Variants in KIAA1614 observed in about 807,000 individuals in gnomAD.
KIAA1614 encodes the protein uncharacterized protein KIAA1614.
KIAA1614 carries 76 observed loss-of-function variants against 88.7 expected under a neutral mutation model. The ratio of observed to expected loss-of-function variants is 0.86; its 90% CI spans 0.71 to 1.04. The LOEUF (loss-of-function observed/expected upper bound fraction) is 1.04, where lower values mean the gene tolerates loss of function less well. Among genes scored for constraint, KIAA1614 ranks in the 50% least tolerant of loss-of-function variants. KIAA1614 has a pLI of 0.00. For synonymous variants in KIAA1614, 714 were observed against 675.5 expected, an observed-to-expected ratio of 1.06 and a Z score of -0.88; for missense variants, 1,553 against 1,582.5, an observed-to-expected ratio of 0.98 and a Z score of 0.32.
chr1:180,942,139 G>A (rs1654483336), intron 7 of KIAA1614, among the ~76,000 whole-genome samples: 1 of 141,976 alleles, frequency 7.0e-6, no homozygotes, highest in Non-Finnish European at 1.5e-5. Context: ...ATGTTTAGTT[G>A]GGTTTTTGTC....
At chr1:180,943,543 A>G (rs1162247690) in intron 7 of KIAA1614, among the ~76,000 whole-genome samples, 1 of 35,882 alleles carries the variant, frequency 2.8e-5, no homozygotes, top group African/African-American at 1.1e-4. Flanking sequence ...ATTGAATGGT[A>G]GTAGATCTTT....
chr1:180,933,496 G>A (rs1654247276), intron 4 of KIAA1614, among the ~76,000 whole-genome samples: 1 of 152,102 alleles, frequency 6.6e-6, no homozygotes. Flanking sequence ...AACAAGAGAT[G>A]GAATCCCAAC....
intron 3 of KIAA1614, 66 bp from the exon 4 acceptor site, chr1:180,928,364 C>T (rs1407686137): frequency 2.1e-6 from 3 of 1,446,490 alleles, no homozygotes; most frequent in South Asian, 1.5e-5. Flanking sequence ...TGCTAAAGCC[C>T]TCCTAATCTG....
intron 3 of KIAA1614, among the ~76,000 whole-genome samples, chr1:180,927,871 A>T (rs1654104255): frequency 6.6e-6 from 1 of 152,142 alleles, no homozygotes; most frequent in South Asian, 2.1e-4. Context: ...AGGCAAGAAA[A>T]CACCAGGATT....
chr1:180,916,101 T>C, intron 1 of KIAA1614, 53 bp from the exon 2 acceptor site: 1 of 1,421,862 alleles, frequency 7.0e-7, no homozygotes, highest in Admixed American at 2.3e-5. Context: ...CGGGAGGTTG[T>C]GGGGGTTAGT....
Position 180,935,244 on chromosome 1 carries a change from C to T in KIAA1614, c.1335C>T (p.Pro445=). ...GTGGGCACAGGCCGAGGCGGGGCCC[C>T]TCGCCGTCGCACGTGCGCTTTGAGG... ...SSGGHRPRRG[P]SPSHVRFEDE... Residue 445 remains proline (P), a synonymous_variant, in exon 5 of 9, where the codon CCC becomes CCT. Transcript: ENST00000367588. This position sits in a 1 kb window ranked among gnomAD's most constrained non-coding sequence, Gnocchi z 6.1. The T allele has an allele frequency of 6.5e-7, 1 of 1,529,538 alleles. No homozygotes were observed. Among genetic ancestry groups the T allele is most frequent in the Non-Finnish European group, 8.8e-7 (1 of 1,141,628 alleles). 94.7% of individuals were successfully genotyped at this position (1,529,538 alleles called of 1,614,324 possible).
At chr1:180,933,242 A>C (rs1365020690) in intron 4 of KIAA1614, among the ~76,000 whole-genome samples, 1 of 152,220 alleles carries the variant, frequency 6.6e-6, no homozygotes, top group Non-Finnish European at 1.5e-5. Flanking sequence ...GGAGGGTTGC[A>C]TGAGGTCAGG....
Position 180,916,348 on chromosome 1 carries a change from T to G in KIAA1614, c.245T>G (p.Val82Gly), listed in dbSNP as rs772275671. 6.2e-7 allele frequency: 1 copy of G among 1,613,958 alleles called. No individual in the cohort carries two copies. The highest frequency in any genetic ancestry group is 8.5e-7 in the Non-Finnish European group (1 of 1,180,028). ...VWGVQLQGPS[V>G]LESKVRALKE... ...GGAGTACAGCTCCAGGGCCCCTCTG[T>G]GCTGGAATCCAAGGTGAGGGCTTTG... The change falls in exon 2 of 9, where the codon GTG becomes GGG. Residue 82 changes from valine to glycine, a missense_variant. Coordinates refer to ENST00000367588, the MANE Select transcript of KIAA1614 (RefSeq NM_020950.2).
At position 180,951,186 on chromosome 1, in the gene KIAA1614, T is replaced by A. The variant is rs1383198182; in HGVS notation, c.*5598T>A. 6.6e-6 allele frequency: 1 copy of A among 151,346 alleles called. No individual in the cohort carries two copies. The highest frequency in any genetic ancestry group is 1.5e-5 in the Non-Finnish European group (1 of 67,758). 9.4% of individuals were successfully genotyped at this position (151,346 alleles called of 1,614,324 possible). On this transcript the variant is annotated 3_prime_UTR_variant, in exon 9 of 9. Coordinates refer to ENST00000367588, the MANE Select transcript of KIAA1614 (RefSeq NM_020950.2). ...ATATTAAAAATTTCTAGGAAAATTT[T>A]TTTATACATAAAGTTGAAAACAACA...
Position 180,916,855 on chromosome 1 carries a change from A to G in KIAA1614, c.752A>G (p.Glu251Gly). 1.2e-6 allele frequency: 2 copies of G among 1,614,214 alleles called. No homozygotes were observed. Among genetic ancestry groups the G allele is most frequent in the Non-Finnish European group, 1.7e-6 (2 of 1,180,032 alleles). Residue 251 changes from glutamate to glycine, a missense_variant, in exon 2 of 9, where the codon GAG (glutamate) becomes GGG (glycine). Coordinates refer to ENST00000367588, the MANE Select transcript of KIAA1614 (RefSeq NM_020950.2). ...SYPFPDGVVT[E>G]ADLDSTSLTS... ...CCTTTTCCAGATGGCGTGGTGACAG[A>G]GGCAGATCTGGATAGCACATCCCTG...
At chr1:180,924,843 A>G (rs1654032692) in intron 3 of KIAA1614, among the ~76,000 whole-genome samples, 2 of 150,708 alleles carry the variant, frequency 1.3e-5, no homozygotes, top group African/African-American at 4.9e-5. Context: ...TTTGCTTAGT[A>G]AGGGGGTGAG....
rs1654587171 is a variant in KIAA1614, at chr1:180,946,073, A to C, written c.*485A>C. ...AGCCGAGATTGCGCCATTGCACTCC[A>C]GCCTGGGCAACAAGAGCAAAACTTC... On this transcript the variant is annotated 3_prime_UTR_variant, in exon 9 of 9. Coordinates refer to ENST00000367588, the MANE Select transcript of KIAA1614 (RefSeq NM_020950.2). The C allele has an allele frequency of 6.6e-6, 1 of 152,500 alleles. No individual in the cohort carries two copies. Among genetic ancestry groups the C allele is most frequent in the Admixed American group, 6.6e-5 (1 of 15,244 alleles). 9.4% of individuals were successfully genotyped at this position (152,500 alleles called of 1,614,324 possible). A position where few individuals can be genotyped will look rare whatever the true frequency, so the allele number is the denominator to read the frequency against.
chr1:180,917,477 A>G (rs1653845753), intron 2 of KIAA1614, among the ~76,000 whole-genome samples: 2 of 152,056 alleles, frequency 1.3e-5, no homozygotes, highest in African/African-American at 4.8e-5. Context: ...GGGCAAGCAG[A>G]CAGGAATCCC....
At chr1:180,936,777 A>C in intron 5 of KIAA1614, 107 bp downstream of exon 5, 1 of 690,880 alleles carries the variant, frequency 1.4e-6, no homozygotes, top group Middle Eastern at 4.2e-4. Context: ...ATTCCCTTTT[A>C]TCTCAATAGT....
intron 3 of KIAA1614, among the ~76,000 whole-genome samples, chr1:180,926,958 G>T (rs1654083312): frequency 6.6e-6 from 1 of 152,194 alleles, no homozygotes; most frequent in Non-Finnish European, 1.5e-5. Context: ...GGGTTCACAG[G>T]CACAGATGGT....
At chr1:180,945,109 G>A in intron 8 of KIAA1614, 194 bp from the exon 9 acceptor site, 1 of 567,150 alleles carries the variant, frequency 1.8e-6, no homozygotes, top group South Asian at 2.7e-5. Context: ...AGGCCTTGGG[G>A]GGCCTTGCAC....
At chr1:180,929,453 C>G (rs1483515730) in intron 4 of KIAA1614, among the ~76,000 whole-genome samples, 1 of 152,148 alleles carries the variant, frequency 6.6e-6, no homozygotes, top group Non-Finnish European at 1.5e-5. Context: ...GAAATGCCCA[C>G]CAGGCAGTTG....
chr1:180,941,585 T>C (rs1378668711), intron 7 of KIAA1614, among the ~76,000 whole-genome samples: 3 of 152,136 alleles, frequency 2.0e-5, no homozygotes, highest in Non-Finnish European at 4.4e-5. Flanking sequence ...GACAGCCTGA[T>C]GGTTCTGGAA....
rs1653820165 is a variant in KIAA1614 at position 180,916,883 on chromosome 1, C to T, written c.780C>T (p.Thr260=). Residue 260 remains threonine (T), a synonymous_variant, in exon 2 of 9, where the codon ACC becomes ACT. Transcript: ENST00000367588. ...CAGATCTGGATAGCACATCCCTGAC[C>T]TCCGAGGAGGTCTTTGTCCCCAGGA... The part of the protein sequence containing the change: ...TEADLDSTSL[T]SEEVFVPRTA... The T allele has an allele frequency of 6.2e-7, 1 of 1,614,112 alleles. No homozygotes were observed. The highest frequency in any genetic ancestry group is 1.1e-5 in the South Asian group (1 of 91,088).
Sources: gnomAD v4.1 joint callset for allele counts (sites outside exome capture counted in the v4.1 genomes callset) on GRCh38, gnomAD v4.1.1 for gene constraint, Gnocchi (gnomAD v3.1) non-coding constraint, MANE v1.5 for transcripts, NCBI Gene and HGNC (gene_info 2026-07-23, HGNC 2026-07-21) for gene names.